Variants in ADAMTS17 observed in about 807,000 individuals in gnomAD.
The protein encoded by ADAMTS17 is A disintegrin and metalloproteinase with thrombospondin motifs 17.
In ADAMTS17, 113 loss-of-function variants were observed where a neutral mutation model predicts 141.5. The ratio of observed to expected loss-of-function variants is 0.80; its 90% CI spans 0.69 to 0.93. ADAMTS17 has a LOEUF of 0.93. Ranked by LOEUF, ADAMTS17 falls within the 40% of genes least tolerant of loss-of-function variation. The pLI is 0.00. For missense variants in ADAMTS17, 1,659 were observed against 1,517.9 expected, an observed-to-expected ratio of 1.09 and a Z score of -1.54; for synonymous variants, 768 against 630.6, an observed-to-expected ratio of 1.22 and a Z score of -3.27.
intron 13 of ADAMTS17, among the ~76,000 whole-genome samples, chr15:100,115,881 T>G (rs2037085253): frequency 6.6e-6 from 1 of 152,208 alleles, no homozygotes; most frequent in Non-Finnish European, 1.5e-5. Flanking sequence ...AGGCAATAGC[T>G]GCTTATTTTC....
At chr15:100,287,907 G>A (rs530408227) in intron 3 of ADAMTS17, among the ~76,000 whole-genome samples, 16 of 152,302 alleles carry the variant, frequency 1.1e-4, no homozygotes, top group African/African-American at 2.6e-4. Flanking sequence ...CCACAAAAAC[G>A]CACTTAAGTA....
At chr15:100,241,429 T>A (rs942757571) in intron 7 of ADAMTS17, among the ~76,000 whole-genome samples, 2 of 152,214 alleles carry the variant, frequency 1.3e-5, no homozygotes, top group African/African-American at 4.8e-5. Flanking sequence ...CAGGATCTTG[T>A]AGAAACACAC....
At chr15:100,293,313 T>C (rs2044706331) in intron 3 of ADAMTS17, among the ~76,000 whole-genome samples, 1 of 152,136 alleles carries the variant, frequency 6.6e-6, no homozygotes, top group South Asian at 2.1e-4. Flanking sequence ...ATGGCACTGG[T>C]CGGCAGGTGG....
At chr15:100,080,168 C>T (rs372247751) in intron 15 of ADAMTS17, among the ~76,000 whole-genome samples, 20 of 152,292 alleles carry the variant, frequency 1.3e-4, no homozygotes, top group Non-Finnish European at 2.1e-4. Flanking sequence ...CCTGTTCCCC[C>T]GACATTACAT....
intron 2 of ADAMTS17, among the ~76,000 whole-genome samples, chr15:100,339,358 T>TAG (rs2141989784): frequency 6.6e-6 from 1 of 152,344 alleles, no homozygotes; most frequent in African/African-American, 2.4e-5. Context: ...CTCTGACCTC[T>TAG]ACAGAAACTC....
At chr15:100,095,130 C>T (rs1267595485) in intron 15 of ADAMTS17, among the ~76,000 whole-genome samples, 4 of 152,342 alleles carry the variant, frequency 2.6e-5, no homozygotes, top group Non-Finnish European at 5.9e-5. Context: ...ACGGAGGCCA[C>T]TTTCCCCCAA....
chr15:100,262,997 C>T (rs185203468), intron 4 of ADAMTS17, among the ~76,000 whole-genome samples: 36 of 152,072 alleles, frequency 2.4e-4, no homozygotes, highest in East Asian at 7.7e-4. Context: ...ATCATACACA[C>T]GTGTGCAAAC....
intron 8 of ADAMTS17, among the ~76,000 whole-genome samples, chr15:100,191,765 T>G (rs1044289609): frequency 4.6e-5 from 7 of 152,226 alleles, no homozygotes; most frequent in African/African-American, 1.7e-4. Context: ...AAGGAAATTC[T>G]GCTTTTATTT....
chr15:100,034,145 T>G (rs931210082), intron 18 of ADAMTS17, among the ~76,000 whole-genome samples: 1 of 152,262 alleles, frequency 6.6e-6, no homozygotes, highest in Non-Finnish European at 1.5e-5. Flanking sequence ...CACCTCTTTC[T>G]GCAGAAGCTC....
chr15:100,221,653 G>A (rs1420381585), intron 7 of ADAMTS17, among the ~76,000 whole-genome samples: 4 of 152,150 alleles, frequency 2.6e-5, no homozygotes, highest in South Asian at 2.1e-4. Flanking sequence ...GCCTTGGCAC[G>A]TGTGCAAACT....
chr15:100,008,159 G>C (rs2061075699), intron 18 of ADAMTS17, among the ~76,000 whole-genome samples: 1 of 152,080 alleles, frequency 6.6e-6, no homozygotes, highest in Non-Finnish European at 1.5e-5. Context: ...TCTGATGCTT[G>C]CTGAGTGGGC....
chr15:100,116,764 G>GC (rs2037156568), intron 13 of ADAMTS17, 83 bp downstream of exon 13: 8 of 1,595,238 alleles, frequency 5.0e-6, no homozygotes, highest in South Asian at 1.1e-5. Context: ...GGAAAGGGAT[G>GC]CCCCCCGGCT....
At position 100,133,285 on chromosome 15, in the gene ADAMTS17, C is replaced by T. The variant is rs2038153875; in HGVS notation, c.1504G>A (p.Val502Ile). ...GTCTTGCAGGATGTGTCTCCTTCTACCAGGCACCACAGTCCAGCACACATT... is the reference window on the plus strand; with the variant it reads ...GTCTTGCAGGATGTGTCTCCTTCTATCAGGCACCACAGTCCAGCACACATT... Reference protein sequence around the residue: ...HLMCAGLWCLVEGDTSCKTKL... With the variant: ...HLMCAGLWCLIEGDTSCKTKL... The change falls in exon 11 of 22, where the codon GTA becomes ATA. Residue 502 changes from valine to isoleucine, a missense_variant. Transcript: ENST00000268070. 1.3e-6 allele frequency: 2 copies of T among 1,595,080 alleles called. No homozygotes were observed. The highest frequency in any genetic ancestry group is 1.1e-5 in the South Asian group (1 of 87,874).
At position 99,997,641 on chromosome 15, in the gene ADAMTS17, C is replaced by T. The variant is rs957131238; in HGVS notation, c.2592-52G>A. ...GAACGACTGGGTGAGAGGCCAGCCT[C>T]TCCGGAGGGCCTTCCGGCCGGATCC... is the stretch of plus-strand genomic sequence containing the variant. On this transcript the variant is annotated intron_variant, in intron 18 of 21. Transcript: ENST00000268070. This position sits in a 1 kb window ranked among gnomAD's most constrained non-coding sequence, Gnocchi z 4.7. 8 of 1,607,278 alleles carry T rather than the reference C, an allele frequency of 5.0e-6. No homozygotes were observed. The highest frequency in any genetic ancestry group is 6.8e-6 in the Non-Finnish European group (8 of 1,176,660).
chr15:100,229,436 T>C (rs965916166), intron 7 of ADAMTS17, among the ~76,000 whole-genome samples: 4 of 152,202 alleles, frequency 2.6e-5, no homozygotes, highest in African/African-American at 9.7e-5. Context: ...TCTTGGTCCA[T>C]GGGACAATCA....
In ADAMTS17 at chr15:100,071,958, G is replaced by A. The variant is rs534515129; in HGVS notation, c.2138-17904C>T. ...GGGTATTCAATTAGGAAAAGAGGAA[G>A]TCAAATTGTCCCTGTTTGCAGATGA... On this transcript the variant is annotated intron_variant, in intron 15 of 21. Transcript: ENST00000268070. 5.6e-4 allele frequency among the ~76,000 whole-genome samples: 84 copies of A among 150,306 alleles called. 5 individuals carry two copies. The highest frequency in any genetic ancestry group is 8.9e-4 in the Non-Finnish European group (60 of 67,486).
At chr15:100,038,579 T>C (rs1374340641) in intron 18 of ADAMTS17, among the ~76,000 whole-genome samples, 1 of 152,228 alleles carries the variant, frequency 6.6e-6, no homozygotes, top group African/African-American at 2.4e-5. Context: ...TATTTTATTC[T>C]TTTTGATGTT....
intron 15 of ADAMTS17, among the ~76,000 whole-genome samples, chr15:100,094,896 G>T (rs1480256651): frequency 1.3e-5 from 2 of 152,188 alleles, no homozygotes; most frequent in African/African-American, 4.8e-5. Flanking sequence ...GCAGAAATGG[G>T]CAACGCTCTG....
In ADAMTS17 at chr15:100,109,387, A is replaced by C. The variant is rs35293825; in HGVS notation, c.1889-271T>G. 0.47 allele frequency among the ~76,000 whole-genome samples: 71,795 copies of C among 151,574 alleles called. 17,066 individuals carry two copies. The highest frequency in any genetic ancestry group is 0.52 in the Admixed American group (7,897 of 15,236). Reference sequence around the variant, plus strand: ...GAAGTTTCCTTTTCCTTAAGGCATCAACTATACCCGGTGAACAAAGGAAGA... The same window carrying C: ...GAAGTTTCCTTTTCCTTAAGGCATCCACTATACCCGGTGAACAAAGGAAGA... On this transcript the variant is annotated intron_variant, in intron 13 of 21. Coordinates refer to ENST00000268070, the MANE Select transcript of ADAMTS17 (RefSeq NM_139057.4).
Sources: allele counts gnomAD v4.1 joint callset (sites outside exome capture counted in the v4.1 genomes callset), GRCh38; gene constraint gnomAD v4.1.1; non-coding constraint Gnocchi (gnomAD v3.1); transcripts MANE v1.5; gene names NCBI Gene and HGNC (gene_info 2026-07-23, HGNC 2026-07-21).